The following MYLK variants were observed in gnomAD, a reference collection of about 807,000 sequenced individuals.
MYLK encodes myosin light chain kinase, smooth muscle.
In MYLK, 106 loss-of-function variants were observed where a neutral mutation model predicts 203.4. That is an observed-to-expected ratio of 0.52 (90% CI 0.45 to 0.61). MYLK has a LOEUF of 0.61. Ranked by LOEUF, MYLK falls within the 20% of genes least tolerant of loss-of-function variation. The probability of loss-of-function intolerance (pLI) is 0.00; values close to 1 mark genes in which losing one functional copy is unlikely to be tolerated. For missense variants in MYLK, 2,072 were observed against 2,442.3 expected (o/e 0.85, Z 3.20); for synonymous variants, 867 against 959.5 (o/e 0.90, Z 1.78).
At chr3:123,651,584 A>C (rs1408082860) in intron 24 of MYLK, among the ~76,000 whole-genome samples, 1 of 152,116 alleles carries the variant, frequency 6.6e-6, no homozygotes, top group African/African-American at 2.4e-5. Context: ...CATGGAGACC[A>C]GTGTATTCCA....
chr3:123,674,846 T>C (rs1289591578), intron 20 of MYLK, among the ~76,000 whole-genome samples: 1 of 152,256 alleles, frequency 6.6e-6, no homozygotes, highest in Non-Finnish European at 1.5e-5. Context: ...ACGGGGTTCA[T>C]GGCCCTCTGA....
intron 16 of MYLK, 85 bp from the exon 17 acceptor site, chr3:123,701,594 G>T: frequency 2.1e-6 from 3 of 1,416,550 alleles, no homozygotes; most frequent in Non-Finnish European, 3.0e-6. Context: ...CAGGCTGCTG[G>T]CCAGCGGGGA....
At chr3:123,772,782 A>G (rs1261656293) in intron 4 of MYLK, among the ~76,000 whole-genome samples, 1 of 152,024 alleles carries the variant, frequency 6.6e-6, no homozygotes, top group Non-Finnish European at 1.5e-5. Context: ...AATCAAACAA[A>G]CGTAAAATAA....
At chr3:123,628,153 T>C (rs1196533661) in intron 30 of MYLK, among the ~76,000 whole-genome samples, 3 of 152,156 alleles carry the variant, frequency 2.0e-5, no homozygotes, top group African/African-American at 7.2e-5. Context: ...AGCAAAAGGC[T>C]AAAAAGATCT....
In MYLK at chr3:123,640,129, C is replaced by T. The variant is rs974783049; in HGVS notation, c.4837+158G>A. Among the ~76,000 whole-genome samples, 2 of 151,900 alleles carry T rather than the reference C, an allele frequency of 1.3e-5. No homozygotes were observed. The highest frequency in any genetic ancestry group is 2.9e-5 in the Non-Finnish European group (2 of 68,016). On this transcript the variant is annotated intron_variant, in intron 28 of 33. Coordinates refer to ENST00000360304, the MANE Select transcript of MYLK (RefSeq NM_053025.4). This position sits in a 1 kb window ranked among gnomAD's most constrained non-coding sequence, Gnocchi z 4.3. ...TGATGGGGAATTTGAGGCTTACTGTCACGTCTAGTATGTGGTAGGGGCAGG... is the reference window on the plus strand; with the variant it reads ...TGATGGGGAATTTGAGGCTTACTGTTACGTCTAGTATGTGGTAGGGGCAGG...
chr3:123,680,021 AC>A (rs2060207226), intron 20 of MYLK, among the ~76,000 whole-genome samples: 1 of 152,074 alleles, frequency 6.6e-6, no homozygotes, highest in South Asian at 2.1e-4. Context: ...GAGGCCTGGC[AC>A]CCACCCCTGA....
At chr3:123,797,312 G>A (rs1056059977) in intron 3 of MYLK, among the ~76,000 whole-genome samples, 1 of 152,028 alleles carries the variant, frequency 6.6e-6, no homozygotes, top group Non-Finnish European at 1.5e-5. Context: ...TTTTAATGGC[G>A]AGCATCAAGA....
At chr3:123,695,224 A>G (rs1347575741) in intron 18 of MYLK, among the ~76,000 whole-genome samples, 1 of 152,270 alleles carries the variant, frequency 6.6e-6, no homozygotes, top group East Asian at 1.9e-4. Context: ...TCACCCCTGC[A>G]GGCATGGTGT....
At chr3:123,875,719 G>A (rs1342111530) in intron 2 of MYLK, among the ~76,000 whole-genome samples, 1 of 152,106 alleles carries the variant, frequency 6.6e-6, no homozygotes, top group Non-Finnish European at 1.5e-5. Context: ...ATGCAGCATT[G>A]AAAAGAAAAG....
At chr3:123,808,166 C>T (rs1176543788) in intron 3 of MYLK, among the ~76,000 whole-genome samples, 1 of 152,218 alleles carries the variant, frequency 6.6e-6, no homozygotes, top group African/African-American at 2.4e-5. Context: ...TGTCTCTCTC[C>T]CTGTTTCTGC....
intron 18 of MYLK, among the ~76,000 whole-genome samples, chr3:123,694,890 A>G (rs2060848569): frequency 6.6e-6 from 1 of 151,826 alleles, no homozygotes. Flanking sequence ...TTCATTCTTG[A>G]CCTCTAGAAG....
At chr3:123,735,612 G>A in intron 8 of MYLK, 196 bp from the exon 9 acceptor site, 1 of 619,748 alleles carries the variant, frequency 1.6e-6, no homozygotes, top group South Asian at 1.9e-5. Context: ...TCTGTCCTTT[G>A]GGCTTCTTAA....
At chr3:123,722,707 C>T (rs1425768932) in intron 12 of MYLK, among the ~76,000 whole-genome samples, 5 of 152,152 alleles carry the variant, frequency 3.3e-5, no homozygotes, top group African/African-American at 1.2e-4. Context: ...TCAGGCAAAA[C>T]GGAGCTTTCC....
intron 4 of MYLK, among the ~76,000 whole-genome samples, chr3:123,770,156 C>CAAAAAA (rs59411359): frequency 1.2e-5 from 1 of 83,944 alleles, no homozygotes; most frequent in East Asian, 4.1e-4. Flanking sequence ...ACTAAAAATA[C>CAAAAAA]AAAAAAAAAA....
At position 123,612,937 on chromosome 3, in the gene MYLK, A is replaced by G. The variant is rs906251318; in HGVS notation, c.*1168T>C. On this transcript the variant is annotated 3_prime_UTR_variant, in exon 34 of 34. Coordinates refer to ENST00000360304, the MANE Select transcript of MYLK (RefSeq NM_053025.4). ...TTATAAAGAAAAAATTTAAGTGCCA[A>G]TGTAGTGAAAGAAAGTTAAAAATTC... The G allele has an allele frequency of 2.6e-5, 4 of 152,570 alleles. No homozygotes were observed. The highest frequency in any genetic ancestry group is 3.4e-3 in the Middle Eastern group (1 of 294). 9.5% of individuals were successfully genotyped at this position (152,570 alleles called of 1,614,324 possible).
chr3:123,625,468 G>A (rs186629718), intron 31 of MYLK, among the ~76,000 whole-genome samples: 9 of 133,830 alleles, frequency 6.7e-5, no homozygotes, highest in Non-Finnish European at 1.3e-4. Flanking sequence ...ACTTTGTCTC[G>A]AGGAAAAAAA....
intron 18 of MYLK, among the ~76,000 whole-genome samples, chr3:123,695,756 GA>G (rs1441984395): frequency 6.6e-6 from 1 of 152,186 alleles, no homozygotes; most frequent in East Asian, 1.9e-4. Flanking sequence ...CAACAAAAAT[GA>G]ATCCTCATTG....
At chr3:123,758,530 C>G (rs1254369244) in intron 4 of MYLK, among the ~76,000 whole-genome samples, 2 of 152,154 alleles carry the variant, frequency 1.3e-5, no homozygotes, top group African/African-American at 2.4e-5. Context: ...ATCAGCCACT[C>G]TCACTTCCTA....
At chr3:123,842,947 G>T (rs1439872488) in intron 2 of MYLK, among the ~76,000 whole-genome samples, 2 of 152,208 alleles carry the variant, frequency 1.3e-5, no homozygotes, top group Non-Finnish European at 2.9e-5. Context: ...TGTGCTGCTG[G>T]GACGGACACC....
Sources: allele counts gnomAD v4.1 joint callset (sites outside exome capture counted in the v4.1 genomes callset), GRCh38; gene constraint gnomAD v4.1.1; non-coding constraint Gnocchi (gnomAD v3.1); transcripts MANE v1.5; gene names NCBI Gene and HGNC (gene_info 2026-07-23, HGNC 2026-07-21).